The following MARCHF5 variants were observed in gnomAD, a reference collection of about 807,000 sequenced individuals.
The protein encoded by MARCHF5 is membrane associated ring-CH-type finger 5.
MARCHF5 carries 5 observed loss-of-function variants against 36.5 expected under a neutral mutation model. That is an observed-to-expected ratio of 0.14 (90% CI 0.07 to 0.29). The LOEUF is 0.29. Among genes scored for constraint, MARCHF5 ranks in the 10% least tolerant of loss-of-function variants. The pLI is 1.00. For synonymous variants in MARCHF5, 103 were observed against 109.9 expected, an observed-to-expected ratio of 0.94 and a Z score of 0.39; for missense variants, 179 against 336.3, an observed-to-expected ratio of 0.53 and a Z score of 3.66.
At position 92,349,521 on chromosome 10, in the gene MARCHF5, G is replaced by A. The variant is rs1843693939; in HGVS notation, c.542G>A (p.Ser181Asn). 6.2e-7 allele frequency: 1 copy of A among 1,613,098 alleles called. No individual in the cohort carries two copies. The highest frequency in any genetic ancestry group is 8.5e-7 in the Non-Finnish European group (1 of 1,179,678). The change falls in exon 4 of 6, where the codon AGT (serine) becomes AAT (asparagine). Residue 181 changes from serine (S) to asparagine (N), a missense_variant. Physicochemically the swap from Ser to Asn is conservative, Grantham distance 46. Coordinates refer to ENST00000358935, the MANE Select transcript of MARCHF5 (RefSeq NM_017824.5). ...KYSNKLQILN[S>N]IFPGIGCPVP... is the part of the protein sequence containing the mutation. ...TCGAATAAACTACAAATTTTAAATA[G>A]TATATTTCCAGGTAAGGCACTGAAC...
At chr10:92,342,345 G>A (rs1843590959) in intron 3 of MARCHF5, among the ~76,000 whole-genome samples, 1 of 151,148 alleles carries the variant, frequency 6.6e-6, no homozygotes, top group Non-Finnish European at 1.5e-5. Context: ...ATGGGGTCTT[G>A]CTGTGTTGTA....
At chr10:92,339,857 T>A (rs1350664087) in intron 2 of MARCHF5, among the ~76,000 whole-genome samples, 1 of 152,154 alleles carries the variant, frequency 6.6e-6, no homozygotes. Context: ...AGTAGTCAGA[T>A]TTCAGAGTAA....
At chr10:92,332,098 A>G (rs1308159120) in intron 2 of MARCHF5, among the ~76,000 whole-genome samples, 1 of 149,116 alleles carries the variant, frequency 6.7e-6, no homozygotes, top group Non-Finnish European at 1.5e-5. Flanking sequence ...ACTATTTTGG[A>G]CCAGGCATAG....
intron 1 of MARCHF5, among the ~76,000 whole-genome samples, chr10:92,305,558 G>A (rs1843065707): frequency 6.6e-6 from 1 of 152,192 alleles, no homozygotes; most frequent in Non-Finnish European, 1.5e-5. Context: ...GATTCTGTAG[G>A]TCTGGGGCAA....
intron 3 of MARCHF5, among the ~76,000 whole-genome samples, chr10:92,344,851 G>T (rs953544669): frequency 6.6e-6 from 1 of 150,708 alleles, no homozygotes; most frequent in Non-Finnish European, 1.5e-5. Context: ...TTTTTTTCTC[G>T]GCACTGTATT....
At chr10:92,300,267 C>G in intron 1 of MARCHF5, among the ~76,000 whole-genome samples, 1 of 151,498 alleles carries the variant, frequency 6.6e-6, no homozygotes, top group South Asian at 2.1e-4. Flanking sequence ...ATTGCTTGAG[C>G]CCAAGAGTTT....
intron 2 of MARCHF5, among the ~76,000 whole-genome samples, chr10:92,325,644 T>C (rs1843348017): frequency 6.6e-6 from 1 of 152,200 alleles, no homozygotes; most frequent in Non-Finnish European, 1.5e-5. Context: ...ATTCTTAGTT[T>C]TCAAGTTAAA....
Position 92,353,573 on chromosome 10 carries a change from T to C in MARCHF5, c.*2366T>C, listed in dbSNP as rs1488386430. 6.6e-6 allele frequency: 1 copy of C among 152,294 alleles called. No individual in the cohort carries two copies. The highest frequency in any genetic ancestry group is 1.5e-5 in the Non-Finnish European group (1 of 68,022). The allele number at this position is 152,294 out of a possible 1,614,324, so 9.4% of individuals were successfully genotyped here. On this transcript the variant is annotated 3_prime_UTR_variant, in exon 6 of 6. Transcript: ENST00000358935. ...TAATCTGTTTGCACTCTAGGAAAAGTAAATGGAGAGGTAAAAGAAAGGCAT... is the reference window on the plus strand; with the variant it reads ...TAATCTGTTTGCACTCTAGGAAAAGCAAATGGAGAGGTAAAAGAAAGGCAT...
intron 2 of MARCHF5, among the ~76,000 whole-genome samples, chr10:92,332,463 A>G (rs1278073966): frequency 6.6e-6 from 1 of 151,572 alleles, no homozygotes; most frequent in East Asian, 1.9e-4. Flanking sequence ...AACAGTGGGG[A>G]ATGCTAGAGA....
At position 92,344,585 on chromosome 10, in the gene MARCHF5, A is replaced by G. The variant is rs142987497; in HGVS notation, c.369+3782A>G. On this transcript the variant is annotated intron_variant, in intron 3 of 5. Transcript: ENST00000358935. Reference sequence around the variant, plus strand: ...AGATGACTTTTACCTTCCTGAGCACATATGATAGAGAATGTGCCCCTCTAC... The same window carrying G: ...AGATGACTTTTACCTTCCTGAGCACGTATGATAGAGAATGTGCCCCTCTAC... 9.9e-3 allele frequency among the ~76,000 whole-genome samples: 1,506 copies of G among 152,270 alleles called. 25 individuals carry two copies. The highest frequency in any genetic ancestry group is 0.034 in the African/African-American group (1,411 of 41,546).
intron 2 of MARCHF5, among the ~76,000 whole-genome samples, chr10:92,338,044 G>T (rs527730852): frequency 6.6e-6 from 1 of 151,832 alleles, no homozygotes; most frequent in East Asian, 1.9e-4. Context: ...AAGAAAATTA[G>T]CCAAGCATGG....
chr10:92,308,785 A>G (rs1232869888), intron 1 of MARCHF5, among the ~76,000 whole-genome samples: 1 of 151,406 alleles, frequency 6.6e-6, no homozygotes, highest in Non-Finnish European at 1.5e-5. Flanking sequence ...GCTCACTGCA[A>G]GCTCCGCCTC....
chr10:92,336,576 A>C (rs1843504419), intron 2 of MARCHF5, among the ~76,000 whole-genome samples: 1 of 152,142 alleles, frequency 6.6e-6, no homozygotes, highest in Non-Finnish European at 1.5e-5. Flanking sequence ...AGAAAAATAG[A>C]GCAAGGTAAT....
At chr10:92,336,007 A>G (rs771187767) in intron 2 of MARCHF5, among the ~76,000 whole-genome samples, 1 of 152,198 alleles carries the variant, frequency 6.6e-6, no homozygotes, top group Non-Finnish European at 1.5e-5. Context: ...GAAAACAAAG[A>G]TCATTTTCCC....
At chr10:92,347,289 A>G (rs1233231098) in intron 3 of MARCHF5, among the ~76,000 whole-genome samples, 1 of 151,940 alleles carries the variant, frequency 6.6e-6, no homozygotes, top group Non-Finnish European at 1.5e-5. Flanking sequence ...TTCGAGACCA[A>G]CCTGGCTAAC....
At chr10:92,301,623 T>G (rs961471601) in intron 1 of MARCHF5, among the ~76,000 whole-genome samples, 3 of 152,252 alleles carry the variant, frequency 2.0e-5, no homozygotes, top group African/African-American at 7.2e-5. Context: ...TTGCTCAGTA[T>G]TCGTGGGGAA....
chr10:92,327,554 G>T (rs1010695075), intron 2 of MARCHF5, among the ~76,000 whole-genome samples: 1 of 152,108 alleles, frequency 6.6e-6, no homozygotes, highest in Non-Finnish European at 1.5e-5. Context: ...TGGGTCAAAG[G>T]TATGTGCATT....
chr10:92,311,406 T>A (rs183237078), intron 2 of MARCHF5, 69 bp downstream of exon 2: 4 of 1,092,124 alleles, frequency 3.7e-6, no homozygotes, highest in Non-Finnish European at 5.2e-6. Flanking sequence ...AAGTTCATTT[T>A]AAAATGAACC....
chr10:92,346,556 T>G (rs1173156658), intron 3 of MARCHF5, among the ~76,000 whole-genome samples: 1 of 141,532 alleles, frequency 7.1e-6, no homozygotes, highest in Non-Finnish European at 1.5e-5. Context: ...TGGTGCAATC[T>G]CGGCTCACTG....
Sources: allele counts gnomAD v4.1 joint callset (sites outside exome capture counted in the v4.1 genomes callset), GRCh38; gene constraint gnomAD v4.1.1; transcripts MANE v1.5; gene names NCBI Gene and HGNC (gene_info 2026-07-23, HGNC 2026-07-21).